TRPM3: variants seen among roughly 807,000 people sequenced by gnomAD.
TRPM3 encodes transient receptor potential cation channel subfamily M member 3.
TRPM3 carries 77 observed loss-of-function variants against 181.2 expected under a neutral mutation model. The ratio of observed to expected loss-of-function variants is 0.42; its 90% confidence interval spans 0.35 to 0.51. TRPM3 has a LOEUF of 0.51. TRPM3 is among the 20% of genes least tolerant of loss of function. The probability of loss-of-function intolerance (pLI) is 0.01; values close to 1 mark genes in which losing one functional copy is unlikely to be tolerated. For missense variants in TRPM3, 1,759 were observed against 2,196.7 expected (o/e 0.80, Z 3.98); for synonymous variants, 745 against 796.4 (o/e 0.94, Z 1.09).
rs895636764 is a variant in TRPM3 at position 70,567,779 on chromosome 9, C to G, written c.3224-14469G>C. Among the ~76,000 whole-genome samples the G allele has an allele frequency of 4.6e-5, 7 of 152,148 alleles. 1 individual carries two copies. The South Asian group carries it at 1.5e-3, about 32-fold the overall frequency. ...AACTGTTTGCTGGGCTCTGATAGGCCAGTATTCGTGGGGGTATTTACGGAC... is the reference window on the plus strand; with the variant it reads ...AACTGTTTGCTGGGCTCTGATAGGCGAGTATTCGTGGGGGTATTTACGGAC... On this transcript the variant is annotated intron_variant, in intron 22 of 25. Coordinates refer to ENST00000677713, the MANE Select transcript of TRPM3 (RefSeq NM_001366145.2).
chr9:71,084,163 C>T (rs997506316), intron 1 of TRPM3, among the ~76,000 whole-genome samples: 2 of 152,024 alleles, frequency 1.3e-5, no homozygotes, highest in South Asian at 2.1e-4. Flanking sequence ...TCCTGTGATT[C>T]TCGTGGCATC....
chr9:71,239,627 T>C (rs2081551059), intron 1 of TRPM3, among the ~76,000 whole-genome samples: 1 of 152,150 alleles, frequency 6.6e-6, no homozygotes, highest in Non-Finnish European at 1.5e-5. Flanking sequence ...AGAAAATATT[T>C]GCCTGTTTCA....
Position 70,546,513 on chromosome 9 carries a change from T to C in TRPM3, c.3707+3029A>G, listed in dbSNP as rs73649139. Among the ~76,000 whole-genome samples, 459 of 152,290 alleles carry C rather than the reference T, an allele frequency of 3.0e-3. 5 individuals carry two copies. Among genetic ancestry groups the C allele is most frequent in the African/African-American group, 0.01 (424 of 41,566 alleles). On this transcript the variant is annotated intron_variant, in intron 25 of 25. Coordinates refer to ENST00000677713, the MANE Select transcript of TRPM3 (RefSeq NM_001366145.2). ...TGTTTCCTGAGGACTGAGGCCTGCCTTGTGGATCCTTAGTGCGTGGCTTAC... is the reference window on the plus strand; with the variant it reads ...TGTTTCCTGAGGACTGAGGCCTGCCCTGTGGATCCTTAGTGCGTGGCTTAC...
chr9:70,891,407 T>C (rs2096201210), intron 1 of TRPM3, among the ~76,000 whole-genome samples: 1 of 152,180 alleles, frequency 6.6e-6, no homozygotes, highest in African/African-American at 2.4e-5. Context: ...AGCAGAATTA[T>C]AAGCATGCTG....
intron 9 of TRPM3, among the ~76,000 whole-genome samples, chr9:70,678,384 C>G (rs2064572151): frequency 6.6e-6 from 1 of 152,134 alleles, no homozygotes. Flanking sequence ...ACTCCCGCCT[C>G]AACCTCCCAA....
intron 1 of TRPM3, among the ~76,000 whole-genome samples, chr9:71,420,555 A>G (rs1452571387): frequency 2.0e-5 from 3 of 150,982 alleles, no homozygotes; most frequent in African/African-American, 7.3e-5. Flanking sequence ...AAGAGAAAGA[A>G]AGAGAAAGAA....
Position 70,864,529 on chromosome 9 carries a change from A to AC in TRPM3, c.178-19_178-18insG. On this transcript the variant is annotated intron_variant, in intron 1 of 25. Transcript: ENST00000677713. ...TTCTGAGCCTGAAAAAGAAAACAAA[A>AC]AAAAAAAAAAAAGAAAAAAGAAAGA... The AC allele has an allele frequency of 6.9e-7, 1 of 1,457,976 alleles. No individual in the cohort carries two copies. Among genetic ancestry groups the AC allele is most frequent in the Non-Finnish European group, 9.0e-7 (1 of 1,106,170 alleles). The allele number at this position is 1,457,976 out of a possible 1,614,324, so 90.3% of individuals were successfully genotyped here. A position where few individuals can be genotyped will look rare whatever the true frequency, so the allele number is the denominator to read the frequency against.
chr9:71,294,746 A>G (rs1157875235), intron 1 of TRPM3, among the ~76,000 whole-genome samples: 1 of 152,170 alleles, frequency 6.6e-6, no homozygotes, highest in Non-Finnish European at 1.5e-5. Flanking sequence ...CATCAACAAG[A>G]TGACAGAGCA....
At chr9:71,126,467 G>A (rs1395224044), upstream of TRPM3, among the ~76,000 whole-genome samples, 4 of 151,812 alleles carry the variant, frequency 2.6e-5, no homozygotes, top group Admixed American at 2.0e-4. Context: ...ACATTTTTAG[G>A]CATTTTTTGA....
chr9:70,692,696 G>A (rs1322583899), intron 8 of TRPM3, among the ~76,000 whole-genome samples: 1 of 152,142 alleles, frequency 6.6e-6, no homozygotes, highest in African/African-American at 2.4e-5. Flanking sequence ...TTAAGCTCTC[G>A]CTTCTTGGAA....
chr9:70,917,938 T>C (rs1252141013), intron 1 of TRPM3, among the ~76,000 whole-genome samples: 1 of 144,864 alleles, frequency 6.9e-6, no homozygotes, highest in Non-Finnish European at 1.5e-5. Context: ...AGACTAAAAA[T>C]AAAGGGATGG....
At chr9:70,827,666 C>A (rs577642994) in intron 6 of TRPM3, 181 bp downstream of exon 6, 6 of 632,330 alleles carry the variant, frequency 9.5e-6, no homozygotes, top group African/African-American at 1.8e-5. Flanking sequence ...TTACTTCTTA[C>A]GCCTCCAATT....
chr9:70,779,400 G>A (rs923752580), intron 7 of TRPM3, among the ~76,000 whole-genome samples: 5 of 152,116 alleles, frequency 3.3e-5, no homozygotes, highest in African/African-American at 4.8e-5. Flanking sequence ...ATAAAAATCC[G>A]TAATAAAATT....
At chr9:71,183,841 G>C (rs2077531665) in intron 1 of TRPM3, among the ~76,000 whole-genome samples, 1 of 152,134 alleles carries the variant, frequency 6.6e-6, no homozygotes, top group Non-Finnish European at 1.5e-5. Flanking sequence ...AAAAGCAAAA[G>C]CAGGTTTCCT....
chr9:70,928,323 C>G (rs757517290), intron 1 of TRPM3, among the ~76,000 whole-genome samples: 1 of 152,150 alleles, frequency 6.6e-6, no homozygotes, highest in Admixed American at 6.5e-5. Flanking sequence ...GACCATGTCC[C>G]GTAATTCCTT....
At chr9:70,974,380 A>T (rs1442563822) in intron 1 of TRPM3, among the ~76,000 whole-genome samples, 1 of 152,100 alleles carries the variant, frequency 6.6e-6, no homozygotes, top group Non-Finnish European at 1.5e-5. Flanking sequence ...TCTACTAAAA[A>T]TACCAAAAAT....
intron 1 of TRPM3, among the ~76,000 whole-genome samples, chr9:71,159,390 G>A (rs2076167266): frequency 6.6e-6 from 1 of 151,902 alleles, no homozygotes; most frequent in African/African-American, 2.4e-5. Flanking sequence ...AGAATCATGT[G>A]GAAAAATAAG....
chr9:71,230,347 G>A (rs2080970870), intron 1 of TRPM3, among the ~76,000 whole-genome samples: 1 of 151,752 alleles, frequency 6.6e-6, no homozygotes, highest in African/African-American at 2.4e-5. Flanking sequence ...GGGCAGAAGT[G>A]GGGATGATTA....
intron 1 of TRPM3, among the ~76,000 whole-genome samples, chr9:70,884,507 G>A (rs560187696): frequency 1.3e-4 from 20 of 152,234 alleles, no homozygotes; most frequent in African/African-American, 4.1e-4. Flanking sequence ...CAAAGTGTGC[G>A]TGTGTGTGTG....
Sources: gnomAD v4.1 joint callset for allele counts (sites outside exome capture counted in the v4.1 genomes callset) on GRCh38, gnomAD v4.1.1 for gene constraint, MANE v1.5 for transcripts, NCBI Gene and HGNC (gene_info 2026-07-23, HGNC 2026-07-21) for gene names.